MBOAT1: variants seen among roughly 807,000 people sequenced by gnomAD.
MBOAT1 encodes membrane-bound glycerophospholipid O-acyltransferase 1.
A neutral mutation model predicts 64.4 loss-of-function variants in MBOAT1; 67 were observed. That is an observed-to-expected ratio of 1.04 (90% CI 0.85 to 1.27). The LOEUF is 1.27. MBOAT1 is among the 50% of genes most tolerant of loss of function. The pLI, the probability that MBOAT1 is intolerant of heterozygous loss-of-function variation, is 0.00. For synonymous variants in MBOAT1, 229 were observed against 218.9 expected (o/e 1.05, Z -0.41); for missense variants, 563 against 604.6 (o/e 0.93, Z 0.72).
intron 1 of MBOAT1, among the ~76,000 whole-genome samples, chr6:20,206,455 T>C (rs907907498): frequency 6.6e-6 from 1 of 152,212 alleles, no homozygotes; most frequent in Admixed American, 6.5e-5. Context: ...ATTACAGGCG[T>C]GAGCCACCAA....
rs148390946 is a variant in MBOAT1 at position 20,183,108 on chromosome 6, C to T, written c.99+29028G>A. On this transcript the variant is annotated intron_variant, in intron 1 of 12. Transcript: ENST00000324607. Reference sequence around the variant, plus strand: ...CTGTAGCCACAGAGAACTCCCTGTCCTCTGCGTCACCTCCCCTTTATGACT... The same window carrying T: ...CTGTAGCCACAGAGAACTCCCTGTCTTCTGCGTCACCTCCCCTTTATGACT... Among the ~76,000 whole-genome samples the T allele has an allele frequency of 5.9e-3, 895 of 152,312 alleles. 37 individuals carry two copies. The highest frequency in any genetic ancestry group is 0.05 in the Admixed American group (763 of 15,298).
intron 1 of MBOAT1, among the ~76,000 whole-genome samples, chr6:20,163,927 G>A (rs1761937073): frequency 6.6e-6 from 1 of 152,112 alleles, no homozygotes. Context: ...TAAGGAGGTG[G>A]AATGTTAGGG....
At chr6:20,118,615 T>C (rs959845656) in intron 8 of MBOAT1, 75 bp from the exon 9 acceptor site, 11 of 1,185,190 alleles carry the variant, frequency 9.3e-6, no homozygotes, top group Non-Finnish European at 1.3e-5. Context: ...ACTAAATATC[T>C]GTCTAGCTTC....
Position 20,100,994 on chromosome 6 carries a change from C to T in MBOAT1, c.*1292G>A, listed in dbSNP as rs1759770850. ...TTCCAATATGATGATTCAACTAAAA[C>T]AAAGCTGAATTTCTCAGCTATGAAA... On this transcript the variant is annotated 3_prime_UTR_variant, in exon 13 of 13. Coordinates refer to ENST00000324607, the MANE Select transcript of MBOAT1 (RefSeq NM_001080480.3). Among the ~76,000 whole-genome samples, 1 of 152,056 alleles carries T rather than the reference C, an allele frequency of 6.6e-6. No homozygotes were observed. Among genetic ancestry groups the T allele is most frequent in the Non-Finnish European group, 1.5e-5 (1 of 67,996 alleles).
intron 7 of MBOAT1, chr6:20,126,034 T>C (rs1394141571): frequency 7.1e-6 from 2 of 282,988 alleles, no homozygotes; most frequent in East Asian, 1.1e-4. Context: ...CAAAAAGTCA[T>C]CTTAAATTCT....
At chr6:20,186,475 T>A (rs1209378252) in intron 1 of MBOAT1, among the ~76,000 whole-genome samples, 2 of 152,044 alleles carry the variant, frequency 1.3e-5, no homozygotes, top group African/African-American at 4.8e-5. Flanking sequence ...GAAAGAGAAA[T>A]GAGAGTGTGT....
At chr6:20,141,435 C>T (rs1761174556) in intron 4 of MBOAT1, among the ~76,000 whole-genome samples, 1 of 144,144 alleles carries the variant, frequency 6.9e-6, no homozygotes, top group Non-Finnish European at 1.5e-5. Context: ...AATCATAGCT[C>T]ATTGCAGCCC....
At chr6:20,208,146 G>A (rs1431971826) in intron 1 of MBOAT1, among the ~76,000 whole-genome samples, 2 of 152,266 alleles carry the variant, frequency 1.3e-5, no homozygotes, top group Admixed American at 1.3e-4. Flanking sequence ...GATCCAGGTA[G>A]GTAAAGAAAC....
intron 9 of MBOAT1, among the ~76,000 whole-genome samples, chr6:20,115,947 C>G (rs13191158): frequency 6.6e-6 from 1 of 151,256 alleles, no homozygotes; most frequent in Admixed American, 6.6e-5. Flanking sequence ...AATCAACCAC[C>G]GAGGAAGAGA....
Position 20,102,345 on chromosome 6 carries a change from C to G in MBOAT1, c.1429G>C (p.Ala477Pro). The G allele has an allele frequency of 6.2e-7, 1 of 1,613,716 alleles. No individual in the cohort carries two copies. Among genetic ancestry groups the G allele is most frequent in the South Asian group, 1.1e-5 (1 of 91,072 alleles). Residue 477 changes from alanine to proline, a missense_variant, in exon 13 of 13, where the codon GCT becomes CCT. Physicochemically the swap from Ala to Pro is conservative, Grantham distance 27. Transcript: ENST00000324607. ...IILFLPMKPQ[A>P]HTQRRPQTLN... is the part of the protein sequence containing the mutation. ...GTCTGAGGCCGCCTTTGCGTATGAG[C>G]TTGTGGTTTCATTGGCAGAAATAGT...
At chr6:20,152,921 C>T (rs1265265771) in intron 1 of MBOAT1, 152 bp from the exon 2 acceptor site, 1 of 753,030 alleles carries the variant, frequency 1.3e-6, no homozygotes, top group Non-Finnish European at 2.0e-6. Flanking sequence ...CAAGCTCCGC[C>T]TCCCAGGTTC....
At chr6:20,110,164 C>A (rs1222105898) in intron 11 of MBOAT1, among the ~76,000 whole-genome samples, 1 of 151,222 alleles carries the variant, frequency 6.6e-6, no homozygotes, top group African/African-American at 2.4e-5. Flanking sequence ...CCACCTTGGC[C>A]GCCCAAAGTG....
intron 1 of MBOAT1, among the ~76,000 whole-genome samples, chr6:20,174,096 T>C (rs1182097690): frequency 6.6e-6 from 1 of 152,164 alleles, no homozygotes; most frequent in Non-Finnish European, 1.5e-5. Context: ...GACCACACAG[T>C]GTAAACAATA....
In MBOAT1 at chr6:20,126,196, G is replaced by C. The variant is rs571079866; in HGVS notation, c.714+321C>G. On this transcript the variant is annotated intron_variant, in intron 7 of 12. Coordinates refer to ENST00000324607, the MANE Select transcript of MBOAT1 (RefSeq NM_001080480.3). ...GCCATATCATCTTTTGGCTGTACTT[G>C]AATTTCAACTCATAAAGGCAAAACA... 7.2e-5 allele frequency among the ~76,000 whole-genome samples: 11 copies of C among 152,154 alleles called. No homozygotes were observed. The East Asian group carries it at 2.1e-3, about 29-fold the overall frequency.
chr6:20,196,885 A>AC (rs1172187520), intron 1 of MBOAT1, among the ~76,000 whole-genome samples: 48 of 152,166 alleles, frequency 3.2e-4, no homozygotes, highest in African/African-American at 9.9e-4. Context: ...AAACAAACAA[A>AC]AAAAAAACTG....
chr6:20,111,878 A>G lies in MBOAT1; in HGVS notation c.1209+998T>C, dbSNP rs550442094. Among the ~76,000 whole-genome samples the G allele has an allele frequency of 2.9e-4, 40 of 138,704 alleles. 1 individual carries two copies. The East Asian group carries it at 3.0e-3, about 10-fold the overall frequency. 91.0% of individuals were successfully genotyped at this position (138,704 alleles called of 152,430 possible). A position where few individuals can be genotyped will look rare whatever the true frequency, so the allele number is the denominator to read the frequency against. ...TATATACATATATATACATATATAT[A>G]TGTATATATATATATTCCAGCACAC... On this transcript the variant is annotated intron_variant, in intron 11 of 12. Transcript: ENST00000324607.
At chr6:20,113,534 A>T (rs1760234926) in intron 10 of MBOAT1, among the ~76,000 whole-genome samples, 1 of 152,098 alleles carries the variant, frequency 6.6e-6, no homozygotes, top group Non-Finnish European at 1.5e-5. Flanking sequence ...TTTGGCAATG[A>T]CTCCATCACA....
At chr6:20,200,716 A>G (rs1327633587) in intron 1 of MBOAT1, among the ~76,000 whole-genome samples, 1 of 152,166 alleles carries the variant, frequency 6.6e-6, no homozygotes, top group African/African-American at 2.4e-5. Flanking sequence ...GAATGTGAGC[A>G]GAGCAGACAG....
At position 20,113,022 on chromosome 6, in the gene MBOAT1, A is replaced by G. The variant is rs753010689; in HGVS notation, c.1077-14T>C. Reference sequence around the variant, plus strand: ...TGATAGCACACACTGTGAAGAGAGGAAGGAACAAGACACAGGTGAAACATA... The same window carrying G: ...TGATAGCACACACTGTGAAGAGAGGGAGGAACAAGACACAGGTGAAACATA... On this transcript the variant is annotated splice_polypyrimidine_tract_variant and intron_variant, in intron 10 of 12. Coordinates refer to ENST00000324607, the MANE Select transcript of MBOAT1 (RefSeq NM_001080480.3). 6.2e-7 allele frequency: 1 copy of G among 1,611,086 alleles called. No individual in the cohort carries two copies. Among genetic ancestry groups the G allele is most frequent in the Admixed American group, 1.7e-5 (1 of 59,462 alleles).
Sources: allele counts gnomAD v4.1 joint callset (sites outside exome capture counted in the v4.1 genomes callset), GRCh38; gene constraint gnomAD v4.1.1; transcripts MANE v1.5; gene names NCBI Gene and HGNC (gene_info 2026-07-23, HGNC 2026-07-21).